Variants in STAB2 observed in about 807,000 individuals in gnomAD.
The protein encoded by STAB2 is stabilin-2.
STAB2 carries 288 observed loss-of-function variants against 338.1 expected under a neutral mutation model. That is an observed-to-expected ratio of 0.85 (90% confidence interval 0.77 to 0.94). The LOEUF (loss-of-function observed/expected upper bound fraction) is 0.94. STAB2 is among the 40% of genes least tolerant of loss of function. The pLI is 0.00. For missense variants in STAB2, 3,141 were observed against 3,210.1 expected, an observed-to-expected ratio of 0.98 and a Z score of 0.52; for synonymous variants, 1,202 against 1,193.3, an observed-to-expected ratio of 1.01 and a Z score of -0.15.
intron 12 of STAB2, among the ~76,000 whole-genome samples, chr12:103,653,394 G>A (rs61937830): frequency 0.021 from 3,177 of 152,278 alleles, 56 homozygotes; most frequent in Non-Finnish European, 0.032. Context: ...TGTAAAGGAG[G>A]GACTTCATAA....
chr12:103,600,721 G>A (rs964376266), intron 3 of STAB2, among the ~76,000 whole-genome samples: 3 of 152,228 alleles, frequency 2.0e-5, no homozygotes, highest in Admixed American at 2.0e-4. Context: ...ACCTCCTATA[G>A]AGAAAACCTC....
At position 103,762,309 on chromosome 12, in the gene STAB2, C is replaced by T. The variant is rs1207458933; in HGVS notation, c.7395C>T (p.Phe2465=). The T allele has an allele frequency of 2.5e-6, 4 of 1,614,228 alleles. No homozygotes were observed. The Admixed American group carries it at 5.0e-5, about 20-fold the overall frequency. Residue 2465 remains phenylalanine, a synonymous_variant, in exon 67 of 69, where the codon TTC becomes TTT. Coordinates refer to ENST00000388887, the MANE Select transcript of STAB2 (RefSeq NM_017564.10). The part of the protein sequence containing the change: ...LTHTGLGAGI[F]FAIILVTGAV... ...ACACTGGCTTGGGAGCAGGGATCTT[C>T]TTTGCCATCATCCTGGTGACTGGGG...
At chr12:103,688,020 C>A in intron 27 of STAB2, 148 bp from the exon 28 acceptor site, 1 of 709,896 alleles carries the variant, frequency 1.4e-6, no homozygotes. Flanking sequence ...TTCACATCAG[C>A]ATCAGGGAGG....
intron 39 of STAB2, among the ~76,000 whole-genome samples, chr12:103,709,601 C>T (rs541442248): frequency 1.3e-5 from 2 of 152,254 alleles, no homozygotes; most frequent in East Asian, 1.9e-4. Flanking sequence ...ACAGAGGGGG[C>T]GTCTTTGCCC....
chr12:103,622,534 T>A (rs1463719496), intron 5 of STAB2, among the ~76,000 whole-genome samples: 3 of 152,154 alleles, frequency 2.0e-5, no homozygotes, highest in African/African-American at 7.2e-5. Flanking sequence ...TAAGTTAGGT[T>A]TTCAATCTCA....
intron 3 of STAB2, among the ~76,000 whole-genome samples, chr12:103,597,714 T>C (rs1298277827): frequency 2.0e-5 from 3 of 152,198 alleles, no homozygotes; most frequent in Non-Finnish European, 4.4e-5. Flanking sequence ...ACTTTGAAAC[T>C]TAATCATGTC....
intron 38 of STAB2, among the ~76,000 whole-genome samples, 199 bp from the exon 39 acceptor site, chr12:103,708,242 G>T (rs1363079460): frequency 2.6e-5 from 4 of 152,164 alleles, no homozygotes; most frequent in Non-Finnish European, 5.9e-5. Context: ...ATTGAAGCTA[G>T]AGCTAGTTCA....
At chr12:103,760,867 G>C (rs557547118) in intron 65 of STAB2, among the ~76,000 whole-genome samples, 1 of 152,308 alleles carries the variant, frequency 6.6e-6, no homozygotes, top group Non-Finnish European at 1.5e-5. Context: ...ATTCAGCAGG[G>C]GAGAAGGCAC....
chr12:103,639,343 C>T (rs999180778), intron 8 of STAB2, among the ~76,000 whole-genome samples: 6 of 152,046 alleles, frequency 3.9e-5, no homozygotes, highest in African/African-American at 1.4e-4. Context: ...CTTTCTTGTG[C>T]ATTGTGAGGT....
chr12:103,648,254 C>G (rs1381898607), intron 9 of STAB2, among the ~76,000 whole-genome samples: 5 of 152,106 alleles, frequency 3.3e-5, no homozygotes, highest in African/African-American at 1.2e-4. Flanking sequence ...TAGGAAGGAG[C>G]AGGGGTGGGG....
intron 15 of STAB2, among the ~76,000 whole-genome samples, chr12:103,657,305 T>TA (rs199966330): frequency 0.012 from 1,760 of 151,032 alleles, 14 homozygotes; most frequent in Non-Finnish European, 0.019. Flanking sequence ...CCTCCCTGAG[T>TA]ACATAGCTTC....
intron 5 of STAB2, among the ~76,000 whole-genome samples, chr12:103,627,446 G>A (rs117959640): frequency 2.4e-3 from 361 of 152,336 alleles, no homozygotes; most frequent in Non-Finnish European, 4.1e-3. Context: ...GCACGGCCAT[G>A]GCTTTCACCA....
chr12:103,588,532 C>T (rs1956748232), intron 1 of STAB2, among the ~76,000 whole-genome samples: 1 of 152,094 alleles, frequency 6.6e-6, no homozygotes, highest in Admixed American at 6.5e-5. Flanking sequence ...ATCATTATCA[C>T]CAAGTGTTTG....
At chr12:103,629,363 T>C (rs374573634) in intron 5 of STAB2, among the ~76,000 whole-genome samples, 2 of 152,230 alleles carry the variant, frequency 1.3e-5, no homozygotes, top group African/African-American at 4.8e-5. Context: ...TCCTGGCTGA[T>C]ATAAGAGCCT....
In STAB2 at chr12:103,627,893, A is replaced by G. The variant is rs575631129; in HGVS notation, c.488-3705A>G. 7.9e-5 allele frequency among the ~76,000 whole-genome samples: 12 copies of G among 152,284 alleles called. No homozygotes were observed. The South Asian group carries it at 1.0e-3, about 13-fold the overall frequency. ...CTCCTAGAGCCTGGCTTCCCACTAC[A>G]CTGTGAGCTCCTGGACTTTAGATAT... is the stretch of plus-strand genomic sequence containing the variant. On this transcript the variant is annotated intron_variant, in intron 5 of 68. Coordinates refer to ENST00000388887, the MANE Select transcript of STAB2 (RefSeq NM_017564.10).
chr12:103,643,022 C>T (rs1428265010), intron 9 of STAB2, among the ~76,000 whole-genome samples: 2 of 152,160 alleles, frequency 1.3e-5, no homozygotes, highest in East Asian at 3.9e-4. Context: ...GGCTTATAAA[C>T]AACAGGAATT....
chr12:103,631,345 A>T (rs1021106242), intron 5 of STAB2, among the ~76,000 whole-genome samples: 4 of 152,282 alleles, frequency 2.6e-5, no homozygotes, highest in Admixed American at 1.3e-4. Context: ...AAAGAACTCC[A>T]ATGCACATGA....
intron 26 of STAB2, among the ~76,000 whole-genome samples, chr12:103,684,446 A>G (rs1300752779): frequency 6.6e-6 from 1 of 152,190 alleles, no homozygotes; most frequent in Non-Finnish European, 1.5e-5. Flanking sequence ...TCTGTTACTC[A>G]AGAATCTCAA....
chr12:103,600,102 GA>G (rs1192208450), intron 3 of STAB2, among the ~76,000 whole-genome samples: 1 of 152,150 alleles, frequency 6.6e-6, no homozygotes, highest in Non-Finnish European at 1.5e-5. Flanking sequence ...GTGAAAATGA[GA>G]ACCTACATGA....
Sources: allele counts gnomAD v4.1 joint callset (sites outside exome capture counted in the v4.1 genomes callset), GRCh38; gene constraint gnomAD v4.1.1; transcripts MANE v1.5; gene names NCBI Gene and HGNC (gene_info 2026-07-23, HGNC 2026-07-21).